NEIL1: variants seen among roughly 807,000 people sequenced by gnomAD.
The protein encoded by NEIL1 is nei like DNA glycosylase 1, also known as endonuclease 8-like 1.
NEIL1 carries 31 observed loss-of-function variants against 44.2 expected under a neutral mutation model. The ratio of observed to expected loss-of-function variants is 0.70; its 90% CI spans 0.53 to 0.95. The LOEUF is 0.95. Ranked by LOEUF, NEIL1 falls within the 40% of genes least tolerant of loss-of-function variation. The pLI is 0.00. For missense variants in NEIL1, 549 were observed against 515.5 expected (o/e 1.07, Z -0.63); for synonymous variants, 254 against 209.7 (o/e 1.21, Z -1.83).
chr15:75,348,369 G>A, intron 1 of NEIL1: 1 of 989,270 alleles, frequency 1.0e-6, no homozygotes, highest in Non-Finnish European at 1.2e-6. Context: ...CCTAAGTGTG[G>A]GGGGAGGGGG....
In NEIL1 at chr15:75,356,497, T is replaced by C; in HGVS notation, c.*1463T>C. On this transcript the variant is annotated 3_prime_UTR_variant, in exon 10 of 10. Transcript: ENST00000355059. The surrounding 1 kb of genome is among the most constrained non-coding windows in gnomAD (Gnocchi z 5.8). ...TGCTGGTGGAGAATGGGGGCTACCC[T>C]CCCCTGTCCCTAGAAGGGGCAGGAA... is the stretch of plus-strand genomic sequence containing the variant. The C allele has an allele frequency of 6.4e-7, 1 of 1,565,642 alleles. No homozygotes were observed.
rs775117015 is a variant in NEIL1 at position 75,355,903 on chromosome 15, G to A, written c.*869G>A. On this transcript the variant is annotated 3_prime_UTR_variant, in exon 10 of 10. Coordinates refer to ENST00000355059, the MANE Select transcript of NEIL1 (RefSeq NM_024608.4). Reference sequence around the variant, plus strand: ...CTACAAACAAAACCCCAGCCCCAGGGACTCAGTGTGGCGGAGGCTGAAGCA... The same window carrying A: ...CTACAAACAAAACCCCAGCCCCAGGAACTCAGTGTGGCGGAGGCTGAAGCA... 1 of 1,614,146 alleles carries A rather than the reference G, an allele frequency of 6.2e-7. No individual in the cohort carries two copies.
chr15:75,356,354 A>G lies in NEIL1; in HGVS notation c.*1320A>G. On this transcript the variant is annotated 3_prime_UTR_variant, in exon 10 of 10. Transcript: ENST00000355059. This position sits in a 1 kb window ranked among gnomAD's most constrained non-coding sequence, Gnocchi z 5.8. ...GGTGAAGACACGGAAAACGCACTCC[A>G]GGAGGTGGCGGGCGCTGGGCTGGGG... 1 of 1,612,274 alleles carries G rather than the reference A, an allele frequency of 6.2e-7. No homozygotes were observed. The highest frequency in any genetic ancestry group is 8.5e-7 in the Non-Finnish European group (1 of 1,179,446).
rs572008389 is a variant in NEIL1 at position 75,350,576 on chromosome 15, C to T, written c.434+1237C>T. On this transcript the variant is annotated intron_variant, in intron 2 of 9. Coordinates refer to ENST00000355059, the MANE Select transcript of NEIL1 (RefSeq NM_024608.4). ...TTCTCCCTTTCTGGGGGATGCTGTG[C>T]GTCCGTTGACCCTTAGGAGACTTGG... Among the ~76,000 whole-genome samples the T allele has an allele frequency of 3.3e-5, 5 of 152,256 alleles. No individual in the cohort carries two copies. The South Asian group carries it at 1.0e-3, about 32-fold the overall frequency.
At chr15:75,348,398 A>T (rs895895593) in intron 1 of NEIL1, 2 of 989,308 alleles carry the variant, frequency 2.0e-6, no homozygotes, top group Non-Finnish European at 2.4e-6. Context: ...AGGGGCGGCC[A>T]CGCGATCCTA....
In NEIL1 at chr15:75,352,002, A is replaced by C. The variant is rs777718065; in HGVS notation, c.435-109A>C. 4 of 993,500 alleles carry C rather than the reference A, an allele frequency of 4.0e-6. No individual in the cohort carries two copies. In the African/African-American group the frequency reaches 6.4e-5, roughly 16 times the overall value. 61.5% of individuals were successfully genotyped at this position (993,500 alleles called of 1,614,324 possible). ...CGGGGGCAGGGAGAAGAGGAACTGT[A>C]ACTCCCAGTTTCCTTCCCCTTGCAC... On this transcript the variant is annotated intron_variant, in intron 2 of 9. Transcript: ENST00000355059.
chr15:75,352,958 G>A lies in NEIL1; in HGVS notation c.718+257G>A, dbSNP rs2072037859. 7.7e-6 allele frequency: 3 copies of A among 391,236 alleles called. 1 individual carries two copies. Among genetic ancestry groups the A allele is most frequent in the South Asian group, 7.2e-5 (3 of 41,590 alleles). The allele number at this position is 391,236 out of a possible 1,614,324, so 24.2% of individuals were successfully genotyped here. On this transcript the variant is annotated intron_variant, in intron 5 of 9. Transcript: ENST00000355059. ...AGTTCGAGACCATCCTGGCCAACAT[G>A]GTGAAACCCCATCTCTACTAAAAAT...
In NEIL1 at chr15:75,354,664, T is replaced by A; in HGVS notation, c.948T>A (p.Pro316=). ...TCTCCTCCATCCAGGACGCTTTGCC[T>A]CCAAGCAAGGCCCCTTCCAGGACAC... ...SPEDRVEDAL[P]PSKAPSRTRR... The change falls in exon 9 of 10, where the codon CCT becomes CCA. Residue 316 remains proline, a synonymous_variant. Transcript: ENST00000355059. 6.2e-7 allele frequency: 1 copy of A among 1,613,940 alleles called. No homozygotes were observed. Among genetic ancestry groups the A allele is most frequent in the Non-Finnish European group, 8.5e-7 (1 of 1,179,956 alleles).
Position 75,355,845 on chromosome 15 carries a change from G to A in NEIL1, c.*811G>A. ...AAAAGACTGATCCCTGCTTTAGGCT[G>A]GGGAAGCAGAAATTAGGAGTCCCCA... On this transcript the variant is annotated 3_prime_UTR_variant, in exon 10 of 10. Coordinates refer to ENST00000355059, the MANE Select transcript of NEIL1 (RefSeq NM_024608.4). 1.3e-6 allele frequency: 2 copies of A among 1,595,686 alleles called. No individual in the cohort carries two copies. The highest frequency in any genetic ancestry group is 1.1e-5 in the South Asian group (1 of 89,924).
In NEIL1 at chr15:75,355,757, G is replaced by C; in HGVS notation, c.*723G>C. 7 of 496,234 alleles carry C rather than the reference G, an allele frequency of 1.4e-5. No homozygotes were observed. The East Asian group carries it at 1.9e-4, about 14-fold the overall frequency. The allele number at this position is 496,234 out of a possible 1,614,324, so 30.7% of individuals were successfully genotyped here. On this transcript the variant is annotated 3_prime_UTR_variant, in exon 10 of 10. Coordinates refer to ENST00000355059, the MANE Select transcript of NEIL1 (RefSeq NM_024608.4). ...CAGACTTCCCACCCCCACCCCAAGC[G>C]TGAGGATGGGCCCTAAGGGGACTGA... is the stretch of plus-strand genomic sequence containing the variant.
intron 1 of NEIL1, chr15:75,348,394 G>GT: frequency 1.0e-6 from 1 of 985,872 alleles, no homozygotes; most frequent in Non-Finnish European, 1.2e-6. Context: ...AGGGAGGGGC[G>GT]GCCACGCGAT....
chr15:75,353,845 T>C lies in NEIL1; in HGVS notation c.825T>C (p.His275=), dbSNP rs768482845. The change falls in exon 6 of 10, where the codon CAT becomes CAC. Residue 275 remains histidine (H), a synonymous_variant. Coordinates refer to ENST00000355059, the MANE Select transcript of NEIL1 (RefSeq NM_024608.4). ...MPGMSSLQDR[H]GRTIWFQGDP... ...GCATGAGCTCCCTGCAGGACCGGCATGGCCGTACCATCTGGTTCCAGGTTG... is the reference window on the plus strand; with the variant it reads ...GCATGAGCTCCCTGCAGGACCGGCACGGCCGTACCATCTGGTTCCAGGTTG... 17 of 1,613,098 alleles carry C rather than the reference T, an allele frequency of 1.1e-5. No individual in the cohort carries two copies. In the Admixed American group the frequency reaches 2.8e-4, roughly 27 times the overall value.
At position 75,356,327 on chromosome 15, in the gene NEIL1, C is replaced by T. The variant is rs78434659; in HGVS notation, c.*1293C>T. 2.5e-5 allele frequency: 41 copies of T among 1,612,102 alleles called. No individual in the cohort carries two copies. The highest frequency in any genetic ancestry group is 5.3e-5 in the African/African-American group (4 of 74,826). Reference sequence around the variant, plus strand: ...TGCTTGACGGTCTCCAATACGACCGCGGGTGAAGACACGGAAAACGCACTC... The same window carrying T: ...TGCTTGACGGTCTCCAATACGACCGTGGGTGAAGACACGGAAAACGCACTC... On this transcript the variant is annotated 3_prime_UTR_variant, in exon 10 of 10. Coordinates refer to ENST00000355059, the MANE Select transcript of NEIL1 (RefSeq NM_024608.4). The surrounding 1 kb of genome is among the most constrained non-coding windows in gnomAD (Gnocchi z 5.8).
chr15:75,352,216 A>G lies in NEIL1; in HGVS notation c.540A>G (p.Ala180=). The G allele has an allele frequency of 6.2e-7, 1 of 1,614,266 alleles. No individual in the cohort carries two copies. Among genetic ancestry groups the G allele is most frequent in the Non-Finnish European group, 8.5e-7 (1 of 1,180,044 alleles). The stretch of plus-strand genomic sequence containing the variant: ...ATGGCATTGGCAACTATCTGCGGGC[A>G]GAGATCCTGTACCGGTCAGCAAGCA... ...FFNGIGNYLR[A]EILYRLKIPP... The change falls in exon 3 of 10, where the codon GCA becomes GCG. Residue 180 remains alanine (A), a synonymous_variant. Coordinates refer to ENST00000355059, the MANE Select transcript of NEIL1 (RefSeq NM_024608.4).
At chr15:75,352,037 G>A (rs2071937191) in intron 2 of NEIL1, 74 bp from the exon 3 acceptor site, 2 of 1,489,026 alleles carry the variant, frequency 1.3e-6, no homozygotes, top group East Asian at 2.3e-5. Context: ...CCCAGAAACA[G>A]GTTCTCTGAG....
chr15:75,354,341 A>G lies in NEIL1; in HGVS notation c.874+64A>G, dbSNP rs1176083442. On this transcript the variant is annotated intron_variant, in intron 7 of 9. Transcript: ENST00000355059. ...AGGACTTCACGCCTGCAAGGGCTACAGCACCCTTCTCCACCCTATCCCCCT... is the reference window on the plus strand; with the variant it reads ...AGGACTTCACGCCTGCAAGGGCTACGGCACCCTTCTCCACCCTATCCCCCT... 2.5e-6 allele frequency: 4 copies of G among 1,611,194 alleles called. No homozygotes were observed. In the African/African-American group the frequency reaches 5.3e-5, roughly 22 times the overall value.
At position 75,353,812 on chromosome 15, in the gene NEIL1, C is replaced by T. The variant is rs748313223; in HGVS notation, c.792C>T (p.Gly264=). Residue 264 remains glycine (G), a synonymous_variant, in exon 6 of 10, where the codon GGC becomes GGT. Transcript: ENST00000355059. ...TTCGAGCCTGGCTGCGCTGCTATGGCATGCCAGGCATGAGCTCCCTGCAGG... is the reference window on the plus strand; with the variant it reads ...TTCGAGCCTGGCTGCGCTGCTATGGTATGCCAGGCATGAGCTCCCTGCAGG... ...AAFRAWLRCY[G]MPGMSSLQDR... 4 of 1,613,804 alleles carry T rather than the reference C, an allele frequency of 2.5e-6. No individual in the cohort carries two copies. The highest frequency in any genetic ancestry group is 2.2e-5 in the East Asian group (1 of 44,892).
rs2072307053 is a variant in NEIL1, at chr15:75,356,522, A to G, written c.*1488A>G. 1.3e-6 allele frequency: 2 copies of G among 1,554,560 alleles called. No homozygotes were observed. The highest frequency in any genetic ancestry group is 1.7e-6 in the Non-Finnish European group (2 of 1,148,132). On this transcript the variant is annotated 3_prime_UTR_variant, in exon 10 of 10. Coordinates refer to ENST00000355059, the MANE Select transcript of NEIL1 (RefSeq NM_024608.4). The surrounding 1 kb of genome is among the most constrained non-coding windows in gnomAD (Gnocchi z 5.8). ...TCCCCTGTCCCTAGAAGGGGCAGGAAGCCAGGTTGCTGGGGTTTGGGCTCA... is the reference window on the plus strand; with the variant it reads ...TCCCCTGTCCCTAGAAGGGGCAGGAGGCCAGGTTGCTGGGGTTTGGGCTCA...
Position 75,355,022 on chromosome 15 carries a change from C to T in NEIL1, c.1161C>T (p.Thr387=). 6.2e-7 allele frequency: 1 copy of T among 1,613,906 alleles called. No homozygotes were observed. The highest frequency in any genetic ancestry group is 1.1e-5 in the South Asian group (1 of 91,016). ...TCCCATCCTTGGAACCAGAGGGGACCTCAGCCTCTTAGCAGGAGGCTCTCC... is the reference window on the plus strand; with the variant it reads ...TCCCATCCTTGGAACCAGAGGGGACTTCAGCCTCTTAGCAGGAGGCTCTCC... ...ADIPSLEPEG[T]SAS Residue 387 remains threonine (T), a synonymous_variant, in exon 10 of 10, where the codon ACC becomes ACT. Coordinates refer to ENST00000355059, the MANE Select transcript of NEIL1 (RefSeq NM_024608.4).
Sources: allele counts gnomAD v4.1 joint callset (sites outside exome capture counted in the v4.1 genomes callset), GRCh38; gene constraint gnomAD v4.1.1; non-coding constraint Gnocchi (gnomAD v3.1); transcripts MANE v1.5; gene names NCBI Gene and HGNC (gene_info 2026-07-23, HGNC 2026-07-21).